TMEM236: variants seen among roughly 807,000 people sequenced by gnomAD.
TMEM236 encodes transmembrane protein 236, also known as family with sequence similarity 23, member A.
In TMEM236, 11 loss-of-function variants were observed where a neutral mutation model predicts 14.7. The observed-to-expected ratio is 0.75, with a 90% confidence interval of 0.47 to 1.24. The LOEUF (loss-of-function observed/expected upper bound fraction) is 1.24. Among genes scored for constraint, TMEM236 ranks in the 50% most tolerant of loss-of-function variants. The pLI, the probability that TMEM236 is intolerant of heterozygous loss-of-function variation, is 0.00. For synonymous variants in TMEM236, 182 were observed against 168.6 expected, an observed-to-expected ratio of 1.08 and a Z score of -0.62; for missense variants, 464 against 427.3, an observed-to-expected ratio of 1.09 and a Z score of -0.76.
intron 2 of TMEM236, among the ~76,000 whole-genome samples, chr10:17,772,550 T>G (rs2131750213): frequency 6.6e-6 from 1 of 152,358 alleles, no homozygotes; most frequent in African/African-American, 2.4e-5. Context: ...TGGCTCTTTT[T>G]TATGATGTCT....
At chr10:17,777,593 G>A (rs910751406) in intron 3 of TMEM236, among the ~76,000 whole-genome samples, 6 of 151,658 alleles carry the variant, frequency 4.0e-5, no homozygotes, top group East Asian at 3.9e-4. Flanking sequence ...TGCACCCAGC[G>A]TTAAATTGGA....
intron 1 of TMEM236, among the ~76,000 whole-genome samples, chr10:17,763,038 C>T (rs1248962908): frequency 1.3e-5 from 2 of 152,150 alleles, no homozygotes; most frequent in Non-Finnish European, 2.9e-5. Context: ...TGCCTCCATC[C>T]TCAGGGACTC....
chr10:17,776,056 GATGTCTTACCTGAT>G lies in TMEM236; in HGVS notation c.363_376del (p.Leu122ThrfsTer2). 2.5e-6 allele frequency: 4 copies of G among 1,613,866 alleles called. No individual in the cohort carries two copies. The highest frequency in any genetic ancestry group is 8.5e-7 in the Non-Finnish European group (1 of 1,179,834). ...TCAAAAGAGCATTAATGGGTCCGCT[GATGTCTTACCTGAT>G]ATGTTACCTGACCTGCCCGTATCTC... On this transcript the variant is annotated frameshift_variant, in exon 3 of 4. Coordinates refer to ENST00000377495, the MANE Select transcript of TMEM236 (RefSeq NM_001098844.3). LOFTEE classifies it high-confidence loss of function.
At chr10:17,795,361 C>T (rs1837994366) in intron 3 of TMEM236, among the ~76,000 whole-genome samples, 1 of 152,208 alleles carries the variant, frequency 6.6e-6, no homozygotes, top group African/African-American at 2.4e-5. Flanking sequence ...GTTCTTTAAC[C>T]TCTCAAGCCC....
At chr10:17,790,090 C>A (rs1293966475) in intron 3 of TMEM236, among the ~76,000 whole-genome samples, 1 of 151,960 alleles carries the variant, frequency 6.6e-6, no homozygotes, top group African/African-American at 2.4e-5. Context: ...ATGAGCCAGG[C>A]GTCATAGCGC....
intron 2 of TMEM236, among the ~76,000 whole-genome samples, chr10:17,775,505 C>G (rs1406410294): frequency 2.0e-5 from 3 of 152,202 alleles, no homozygotes; most frequent in Non-Finnish European, 4.4e-5. Flanking sequence ...GAGCTCCAGG[C>G]TCAAGCAATC....
chr10:17,792,608 A>G (rs2131767571), intron 3 of TMEM236, among the ~76,000 whole-genome samples: 1 of 152,338 alleles, frequency 6.6e-6, no homozygotes, highest in East Asian at 1.9e-4. Context: ...TGCTAACAAA[A>G]TGACATTTTC....
intron 1 of TMEM236, among the ~76,000 whole-genome samples, chr10:17,765,058 G>T (rs1279132693): frequency 6.6e-6 from 1 of 151,866 alleles, no homozygotes; most frequent in Non-Finnish European, 1.5e-5. Context: ...TGGACCTTGT[G>T]ATCTGCCCAC....
chr10:17,798,710 T>G lies in TMEM236; in HGVS notation c.*2206T>G, dbSNP rs1838053234. 1.9e-6 allele frequency: 1 copy of G among 534,290 alleles called. No homozygotes were observed. Among genetic ancestry groups the G allele is most frequent in the South Asian group, 1.4e-5 (1 of 71,578 alleles). 33.1% of individuals were successfully genotyped at this position (534,290 alleles called of 1,614,324 possible). ...TCCAGCTTTCTAATTTGAGGTAGGT[T>G]CTATAACCTCTGTGGGTCCCCGTTT... On this transcript the variant is annotated 3_prime_UTR_variant, in exon 4 of 4. Transcript: ENST00000377495.
chr10:17,756,457 G>T (rs1471363308), intron 1 of TMEM236, among the ~76,000 whole-genome samples: 1 of 151,948 alleles, frequency 6.6e-6, no homozygotes, highest in African/African-American at 2.4e-5. Context: ...GACCACACCC[G>T]ACTAATTTTT....
intron 3 of TMEM236, among the ~76,000 whole-genome samples, chr10:17,784,267 C>G (rs1437097973): frequency 6.6e-6 from 1 of 152,078 alleles, no homozygotes; most frequent in Non-Finnish European, 1.5e-5. Context: ...TTATAAATAA[C>G]CAATAAGTTA....
In TMEM236 at chr10:17,771,362, T is replaced by G. The variant is rs782721256; in HGVS notation, c.311T>G (p.Phe104Cys). The G allele has an allele frequency of 1.1e-5, 17 of 1,613,868 alleles. No individual in the cohort carries two copies. Among genetic ancestry groups the G allele is most frequent in the Non-Finnish European group, 1.4e-5 (17 of 1,179,854 alleles). Residue 104 changes from phenylalanine (F) to cysteine (C), a missense_variant, in exon 2 of 4, where the codon TTT becomes TGT. By Grantham distance (205) the Phe-to-Cys change is radical. Transcript: ENST00000377495. ...CTCACCACACTGCCCTGCCTCACCT[T>G]TTCCATAGCAGTGACTGAGGTATGG... ...VVLTTLPCLT[F>C]SIAVTEVQKS...
chr10:17,780,196 C>G (rs1837724323), intron 3 of TMEM236, among the ~76,000 whole-genome samples: 1 of 152,154 alleles, frequency 6.6e-6, no homozygotes. Context: ...CAGAGCCAGA[C>G]TCCTTTGAGG....
chr10:17,773,239 A>G (rs1837603225), intron 2 of TMEM236, among the ~76,000 whole-genome samples: 1 of 152,204 alleles, frequency 6.6e-6, no homozygotes, highest in South Asian at 2.1e-4. Flanking sequence ...ATTGTGAGAG[A>G]TAAGGTCAAA....
chr10:17,798,652 GA>G lies in TMEM236; in HGVS notation c.*2150del. 1 of 534,434 alleles carries G rather than the reference GA, an allele frequency of 1.9e-6. No individual in the cohort carries two copies. The highest frequency in any genetic ancestry group is 1.9e-5 in the Admixed American group (1 of 51,588). The allele number at this position is 534,434 out of a possible 1,614,324, so 33.1% of individuals were successfully genotyped here. ...TTAGGATTTTTCTCACACTGTAAAA[GA>G]AGATTTACTCACAGTTGTTAAAAGC... On this transcript the variant is annotated 3_prime_UTR_variant, in exon 4 of 4. Transcript: ENST00000377495.
intron 3 of TMEM236, among the ~76,000 whole-genome samples, chr10:17,785,680 A>G (rs2131761409): frequency 6.6e-6 from 1 of 152,194 alleles, no homozygotes; most frequent in African/African-American, 2.4e-5. Flanking sequence ...CTGAATTTCC[A>G]TAATGTGTTG....
intron 2 of TMEM236, among the ~76,000 whole-genome samples, chr10:17,775,721 G>T (rs1554835102): frequency 6.6e-6 from 1 of 152,230 alleles, no homozygotes; most frequent in African/African-American, 2.4e-5. Context: ...TAGAAGCTCT[G>T]CTCAGCAGTA....
intron 1 of TMEM236, among the ~76,000 whole-genome samples, chr10:17,770,636 G>T (rs1212412700): frequency 6.6e-6 from 1 of 152,162 alleles, no homozygotes; most frequent in Non-Finnish European, 1.5e-5. Context: ...ACCTGCCTTG[G>T]CCTCCCAAAA....
chr10:17,776,844 T>C (rs1175618338), intron 3 of TMEM236, among the ~76,000 whole-genome samples: 2 of 152,248 alleles, frequency 1.3e-5, no homozygotes, highest in African/African-American at 4.8e-5. Context: ...TGAAACTAAA[T>C]ACAGATTGGC....
Sources: allele counts gnomAD v4.1 joint callset (sites outside exome capture counted in the v4.1 genomes callset), GRCh38; gene constraint gnomAD v4.1.1; transcripts MANE v1.5; gene names NCBI Gene and HGNC (gene_info 2026-07-23, HGNC 2026-07-21).